The following PTPRN2 variants were observed in gnomAD, a reference collection of about 807,000 sequenced individuals.
PTPRN2 encodes receptor-type tyrosine-protein phosphatase N2.
In PTPRN2, 74 loss-of-function variants were observed where a neutral mutation model predicts 118.8. That is an observed-to-expected ratio of 0.62 (90% CI 0.52 to 0.76). The LOEUF (loss-of-function observed/expected upper bound fraction) is 0.76, where lower values mean the gene tolerates loss of function less well. PTPRN2 is among the 30% of genes least tolerant of loss of function. PTPRN2 has a pLI of 0.00. For synonymous variants in PTPRN2, 641 were observed against 608.0 expected, an observed-to-expected ratio of 1.05 and a Z score of -0.80; for missense variants, 1,481 against 1,394.4, an observed-to-expected ratio of 1.06 and a Z score of -0.99.
chr7:157,691,010 C>T (rs2150833370), intron 12 of PTPRN2, among the ~76,000 whole-genome samples: 1 of 145,946 alleles, frequency 6.9e-6, no homozygotes. Context: ...CGGCCCGGCG[C>T]GCACCCGGCC....
At chr7:158,349,964 C>T (rs913312137) in intron 2 of PTPRN2, among the ~76,000 whole-genome samples, 5 of 152,280 alleles carry the variant, frequency 3.3e-5, no homozygotes, top group Non-Finnish European at 7.4e-5. Flanking sequence ...GTTACTAGCG[C>T]TCACGTGTTC....
At chr7:157,928,287 G>C (rs1799143605) in intron 11 of PTPRN2, among the ~76,000 whole-genome samples, 1 of 152,184 alleles carries the variant, frequency 6.6e-6, no homozygotes, top group African/African-American at 2.4e-5. Context: ...GTGGTCCTTA[G>C]TAGAGCGGGC....
At chr7:157,853,271 G>A (rs1809428361) in intron 12 of PTPRN2, among the ~76,000 whole-genome samples, 1 of 152,156 alleles carries the variant, frequency 6.6e-6, no homozygotes, top group African/African-American at 2.4e-5. Flanking sequence ...GATGACGGCC[G>A]AGCCGGGCCT....
chr7:157,657,550 C>A (rs1428422065), intron 13 of PTPRN2, among the ~76,000 whole-genome samples: 1 of 89,106 alleles, frequency 1.1e-5, no homozygotes, highest in African/African-American at 3.9e-5. Context: ...ACACACACAC[C>A]ACACACACAC....
At chr7:158,407,822 G>C (rs1250114016) in intron 2 of PTPRN2, among the ~76,000 whole-genome samples, 1 of 152,242 alleles carries the variant, frequency 6.6e-6, no homozygotes, top group Non-Finnish European at 1.5e-5. Flanking sequence ...AACCATCGCC[G>C]TGCTCAGTGG....
chr7:157,973,006 A>G (rs1165699930), intron 11 of PTPRN2, among the ~76,000 whole-genome samples: 5 of 152,198 alleles, frequency 3.3e-5, no homozygotes, highest in African/African-American at 1.2e-4. Context: ...GACTTCAGAG[A>G]CTGCAGGAAC....
intron 12 of PTPRN2, among the ~76,000 whole-genome samples, chr7:157,720,606 C>T (rs1799179533): frequency 6.6e-6 from 1 of 152,226 alleles, no homozygotes; most frequent in South Asian, 2.1e-4. Context: ...CCGAGGGAGT[C>T]ACGTGAATCA....
intron 12 of PTPRN2, among the ~76,000 whole-genome samples, chr7:157,736,245 C>T (rs73516889): frequency 5.8e-4 from 88 of 152,272 alleles, no homozygotes; most frequent in African/African-American, 2.1e-3. Flanking sequence ...TAAATCTGGG[C>T]GAGATTCAGG....
intron 14 of PTPRN2, among the ~76,000 whole-genome samples, chr7:157,636,217 T>C (rs1208749328): frequency 6.6e-6 from 1 of 152,226 alleles, no homozygotes; most frequent in Non-Finnish European, 1.5e-5. Context: ...TGCATGGAAG[T>C]CTGAAGCATA....
rs544630019 is a variant in PTPRN2 at position 158,450,240 on chromosome 7, G to A, written c.163+39495C>T. ...CTCACGGGTGATCTAACTCAATCAC[G>A]GCCCAAAGGCCTCTCCTCCCAGCAC... On this transcript the variant is annotated intron_variant, in intron 2 of 22. Transcript: ENST00000389418. 6.2e-4 allele frequency among the ~76,000 whole-genome samples: 94 copies of A among 152,278 alleles called. 2 individuals carry two copies. The highest frequency in any genetic ancestry group is 6.8e-3 in the Middle Eastern group (2 of 294).
rs746929753 is a variant in PTPRN2 at position 157,874,072 on chromosome 7, C to A, written c.1788+24601G>T. Among the ~76,000 whole-genome samples, 4 of 152,178 alleles carry A rather than the reference C, an allele frequency of 2.6e-5. No homozygotes were observed. The highest frequency in any genetic ancestry group is 2.0e-4 in the Admixed American group (3 of 15,280). ...CAGGCCTGGCACAGCTCAGTGGTGG[C>A]ACGTCACATCACACATCTTCAGACC... On this transcript the variant is annotated intron_variant, in intron 12 of 22. Transcript: ENST00000389418. The surrounding 1 kb of genome is among the most constrained non-coding windows in gnomAD (Gnocchi z 5.8).
At chr7:157,949,449 C>G (rs1305004492) in intron 11 of PTPRN2, among the ~76,000 whole-genome samples, 1 of 152,198 alleles carries the variant, frequency 6.6e-6, no homozygotes, top group Admixed American at 6.5e-5. Context: ...AGAACATGGA[C>G]AGGAGTTTAT....
At chr7:157,695,247 A>G (rs933686088) in intron 12 of PTPRN2, among the ~76,000 whole-genome samples, 2 of 152,136 alleles carry the variant, frequency 1.3e-5, no homozygotes, top group African/African-American at 4.8e-5. Context: ...GTTATGGGAA[A>G]CATGATTATT....
intron 14 of PTPRN2, among the ~76,000 whole-genome samples, chr7:157,652,763 C>T (rs1326468136): frequency 6.6e-6 from 1 of 152,232 alleles, no homozygotes; most frequent in Non-Finnish European, 1.5e-5. Flanking sequence ...AGGCACCTGC[C>T]GCCTCCTGTC....
At chr7:158,075,409 C>T (rs1195282295) in intron 11 of PTPRN2, among the ~76,000 whole-genome samples, 3 of 152,090 alleles carry the variant, frequency 2.0e-5, no homozygotes, top group African/African-American at 4.8e-5. Context: ...GAGGCGCTCC[C>T]GTGCAGGTGG....
At chr7:158,205,050 C>T in intron 4 of PTPRN2, 121 bp downstream of exon 4, 1 of 853,390 alleles carries the variant, frequency 1.2e-6, no homozygotes, top group Non-Finnish European at 1.9e-6. Flanking sequence ...TCTGAAACGT[C>T]TGCACCAGAA....
chr7:158,206,340 C>G (rs1316928008), intron 3 of PTPRN2, among the ~76,000 whole-genome samples: 1 of 152,188 alleles, frequency 6.6e-6, no homozygotes, highest in African/African-American at 2.4e-5. Context: ...AAAGGAAAAC[C>G]CACTGCCTTG....
intron 1 of PTPRN2, among the ~76,000 whole-genome samples, chr7:158,494,797 C>T (rs189319860): frequency 6.6e-6 from 1 of 152,318 alleles, no homozygotes; most frequent in Non-Finnish European, 1.5e-5. Context: ...CTGGGACAGC[C>T]CCTGAGAAGG....
rs149324034 is a variant in PTPRN2 at position 158,351,173 on chromosome 7, C to T, written c.164-34241G>A. 5.0e-3 allele frequency among the ~76,000 whole-genome samples: 758 copies of T among 152,286 alleles called. 7 individuals are homozygous for T. Among genetic ancestry groups the T allele is most frequent in the African/African-American group, 0.017 (720 of 41,540 alleles). ...GGCATCTCTCGCCACCTCGAGGGCACGGGTGAGGTGCAGGAGGAACTCGTG... is the reference window on the plus strand; with the variant it reads ...GGCATCTCTCGCCACCTCGAGGGCATGGGTGAGGTGCAGGAGGAACTCGTG... On this transcript the variant is annotated intron_variant, in intron 2 of 22. Coordinates refer to ENST00000389418, the MANE Select transcript of PTPRN2 (RefSeq NM_002847.5).
Sources: gnomAD v4.1 joint callset for allele counts (sites outside exome capture counted in the v4.1 genomes callset) on GRCh38, gnomAD v4.1.1 for gene constraint, Gnocchi (gnomAD v3.1) non-coding constraint, MANE v1.5 for transcripts, NCBI Gene and HGNC (gene_info 2026-07-23, HGNC 2026-07-21) for gene names.